SH2D4B: variants seen among roughly 807,000 people sequenced by gnomAD.
SH2D4B encodes the protein SH2 domain-containing protein 4B.
A neutral mutation model predicts 61.5 loss-of-function variants in SH2D4B; 45 were observed. The ratio of observed to expected loss-of-function variants is 0.73; its 90% CI spans 0.58 to 0.94. The LOEUF is 0.94. Ranked by LOEUF, SH2D4B falls within the 40% of genes least tolerant of loss-of-function variation. SH2D4B has a pLI of 0.00. For synonymous variants in SH2D4B, 224 were observed against 220.4 expected (o/e 1.02, Z -0.14); for missense variants, 572 against 574.2 (o/e 1.00, Z 0.04).
At chr10:80,608,776 A>G (rs188133448) in intron 5 of SH2D4B, among the ~76,000 whole-genome samples, 4 of 152,006 alleles carry the variant, frequency 2.6e-5, no homozygotes, top group Admixed American at 2.6e-4. Flanking sequence ...ATCCTCTGTC[A>G]TAGTTTTTAT....
chr10:80,559,872 A>G (rs1841881796), intron 1 of SH2D4B, among the ~76,000 whole-genome samples: 1 of 151,868 alleles, frequency 6.6e-6, no homozygotes, highest in Non-Finnish European at 1.5e-5. Flanking sequence ...CCTGGGCTCA[A>G]GTGATCCTCC....
chr10:80,545,886 G>T (rs1841671922), intron 1 of SH2D4B, among the ~76,000 whole-genome samples: 1 of 152,130 alleles, frequency 6.6e-6, no homozygotes, highest in Non-Finnish European at 1.5e-5. Flanking sequence ...ATATATGTGT[G>T]CTTTGGGATT....
At chr10:80,604,122 A>G (rs535483078) in intron 5 of SH2D4B, among the ~76,000 whole-genome samples, 1 of 152,346 alleles carries the variant, frequency 6.6e-6, no homozygotes, top group Non-Finnish European at 1.5e-5. Flanking sequence ...TTGAGACTCT[A>G]AGGGCCTCCG....
intron 3 of SH2D4B, among the ~76,000 whole-genome samples, chr10:80,572,961 T>C (rs1842069583): frequency 1.5e-4 from 1 of 6,882 alleles, no homozygotes; most frequent in African/African-American, 6.9e-4. Context: ...TATATATATA[T>C]ATATATATAT....
At chr10:80,637,809 C>T (rs931026549) in intron 7 of SH2D4B, among the ~76,000 whole-genome samples, 1 of 152,224 alleles carries the variant, frequency 6.6e-6, no homozygotes, top group African/African-American at 2.4e-5. Context: ...CTGGCCAGAA[C>T]TTCCAACACT....
rs1347263092 is a variant in SH2D4B, at chr10:80,538,196, A to G, written c.-136A>G. ...GGCTGCAAGCTGAGGCCAACTGACA[A>G]TGCTGCACAGAGAAGGGGCACCGAG... On this transcript the variant is annotated 5_prime_UTR_variant, in exon 1 of 8. An upstream start codon of the reference 5' UTR is lost. Transcript: ENST00000646907. The surrounding 1 kb of genome is among the most constrained non-coding windows in gnomAD (Gnocchi z 4.8). The G allele has an allele frequency of 1.5e-5, 10 of 685,470 alleles. 1 individual carries two copies. The East Asian group carries it at 2.8e-4, about 19-fold the overall frequency. 42.5% of individuals were successfully genotyped at this position (685,470 alleles called of 1,614,324 possible).
intron 3 of SH2D4B, among the ~76,000 whole-genome samples, chr10:80,585,931 T>G (rs7072057): frequency 0.26 from 39,035 of 151,764 alleles, 5,670 homozygotes; most frequent in African/African-American, 0.39. Context: ...GCCAGCTGGA[T>G]TTCTGGGTGG....
chr10:80,577,194 C>T (rs1024070725), intron 3 of SH2D4B, among the ~76,000 whole-genome samples: 1 of 152,170 alleles, frequency 6.6e-6, no homozygotes, highest in African/African-American at 2.4e-5. Flanking sequence ...TGTAAGGAAA[C>T]CCAAGTTAGC....
At chr10:80,632,370 A>G (rs1313661568) in intron 6 of SH2D4B, among the ~76,000 whole-genome samples, 1 of 152,210 alleles carries the variant, frequency 6.6e-6, no homozygotes, top group Non-Finnish European at 1.5e-5. Context: ...TCAAAATGTC[A>G]TGTACACCAT....
rs141148198 is a variant in SH2D4B at position 80,627,746 on chromosome 10, C to T, written c.989-6539C>T. 2.4e-4 allele frequency among the ~76,000 whole-genome samples: 37 copies of T among 151,356 alleles called. 1 individual carries two copies. Among genetic ancestry groups the T allele is most frequent in the African/African-American group, 8.7e-4 (36 of 41,336 alleles). On this transcript the variant is annotated intron_variant, in intron 6 of 7. Transcript: ENST00000646907. ...GACTCCCAGGTGCCAAGTTTGGGGC[C>T]CGGCTTCTAGATGGTGCTTCATACA...
At chr10:80,640,980 G>C (rs931064841) in intron 7 of SH2D4B, among the ~76,000 whole-genome samples, 2 of 152,148 alleles carry the variant, frequency 1.3e-5, no homozygotes, top group Non-Finnish European at 2.9e-5. Flanking sequence ...TTTTGGTGTG[G>C]ATGTCCTTTT....
chr10:80,591,103 T>C (rs996399150), intron 4 of SH2D4B, among the ~76,000 whole-genome samples: 2 of 151,374 alleles, frequency 1.3e-5, no homozygotes, highest in African/African-American at 4.9e-5. Context: ...AATAATATTC[T>C]AATGTACGCA....
At chr10:80,594,865 C>A (rs1242612295) in intron 4 of SH2D4B, among the ~76,000 whole-genome samples, 1 of 152,082 alleles carries the variant, frequency 6.6e-6, no homozygotes, top group Non-Finnish European at 1.5e-5. Flanking sequence ...TGGTGCCAGT[C>A]CTAAAACACC....
At chr10:80,643,764 T>C (rs561013370) in intron 7 of SH2D4B, among the ~76,000 whole-genome samples, 17 of 152,312 alleles carry the variant, frequency 1.1e-4, no homozygotes, top group African/African-American at 3.8e-4. Context: ...TCAGGGATTC[T>C]TGAATATGTT....
At chr10:80,577,149 T>A (rs1257312362) in intron 3 of SH2D4B, among the ~76,000 whole-genome samples, 1 of 152,140 alleles carries the variant, frequency 6.6e-6, no homozygotes, top group East Asian at 1.9e-4. Context: ...TTGGAAGCTG[T>A]CCTATAAGAA....
intron 1 of SH2D4B, among the ~76,000 whole-genome samples, chr10:80,557,804 G>A (rs1275817883): frequency 1.4e-4 from 21 of 151,796 alleles, no homozygotes; most frequent in Admixed American, 9.2e-4. Flanking sequence ...GTTTTATTGT[G>A]GTTTCTTTTT....
intron 1 of SH2D4B, among the ~76,000 whole-genome samples, chr10:80,552,553 C>G (rs374021743): frequency 6.6e-6 from 1 of 152,178 alleles, no homozygotes; most frequent in Non-Finnish European, 1.5e-5. Context: ...AGGGGCAGCT[C>G]GTGAGAAAGG....
At chr10:80,575,825 C>T (rs1208052776) in intron 3 of SH2D4B, among the ~76,000 whole-genome samples, 1 of 152,090 alleles carries the variant, frequency 6.6e-6, no homozygotes, top group Non-Finnish European at 1.5e-5. Context: ...AGGGCATTTC[C>T]CTCCACAGCT....
intron 1 of SH2D4B, among the ~76,000 whole-genome samples, chr10:80,540,448 C>T (rs1008808736): frequency 2.0e-5 from 3 of 152,326 alleles, no homozygotes; most frequent in African/African-American, 7.2e-5. Flanking sequence ...GGTGCCTACC[C>T]AGCCCTTGCT....
Sources: gnomAD v4.1 joint callset for allele counts (sites outside exome capture counted in the v4.1 genomes callset) on GRCh38, gnomAD v4.1.1 for gene constraint, Gnocchi (gnomAD v3.1) non-coding constraint, MANE v1.5 for transcripts, NCBI Gene and HGNC (gene_info 2026-07-23, HGNC 2026-07-21) for gene names.